Variants in PPARGC1A observed in about 807,000 individuals in gnomAD.
The protein encoded by PPARGC1A is PPARG coactivator 1 alpha, also known as peroxisome proliferator-activated receptor gamma coactivator 1-alpha.
In PPARGC1A, 25 loss-of-function variants were observed where a neutral mutation model predicts 88.7. The observed-to-expected ratio is 0.28, with a 90% CI of 0.21 to 0.39. PPARGC1A has a LOEUF of 0.39. PPARGC1A is among the 10% of genes least tolerant of loss of function. The probability of loss-of-function intolerance (pLI) is 1.00; values close to 1 mark genes in which losing one functional copy is unlikely to be tolerated. For missense variants in PPARGC1A, 880 were observed against 968.7 expected, an observed-to-expected ratio of 0.91 and a Z score of 1.22; for synonymous variants, 363 against 355.6, an observed-to-expected ratio of 1.02 and a Z score of -0.24.
chr4:24,270,539 T>C, the PPARGC1A span, among the ~76,000 whole-genome samples: 1 of 152,142 alleles, frequency 6.6e-6, no homozygotes, highest in South Asian at 2.1e-4. Context: ...AGGATAAAAA[T>C]TCCCAGAAAG....
the PPARGC1A span, among the ~76,000 whole-genome samples, chr4:24,326,207 C>G: frequency 1.3e-3 from 205 of 152,238 alleles, 8 homozygotes; most frequent in East Asian, 0.034. Flanking sequence ...ATATCCCATC[C>G]CACAGCATGC....
At chr4:24,328,518 C>T in the PPARGC1A span, among the ~76,000 whole-genome samples, 6 of 152,284 alleles carry the variant, frequency 3.9e-5, no homozygotes, top group South Asian at 1.2e-3. Flanking sequence ...ATTTTTCCAG[C>T]TCAAACTGCT....
chr4:23,866,236 C>T (rs201258909), intron 2 of PPARGC1A: 11 of 151,778 alleles, frequency 7.2e-5, no homozygotes, highest in African/African-American at 1.9e-4. Context: ...GTACAGCTCG[C>T]CTTTCTTTAC....
In PPARGC1A at chr4:23,801,742, A is replaced by G. The variant is rs1308083387; in HGVS notation, c.2281T>C (p.Tyr761His). Residue 761 changes from tyrosine (Y) to histidine (H), a missense_variant, in exon 12 of 13, where the codon TAT becomes CAT. Transcript: ENST00000264867. ...ATAAAATCCATACCTAGGTCTGCAT[A>G]GTTAGACTTGAAAAATTGCTTGCGT... ...CGRKQFFKSN[Y>H]ADLDSNSDDF... 4 of 1,613,976 alleles carry G rather than the reference A, an allele frequency of 2.5e-6. No homozygotes were observed. In the African/African-American group the frequency reaches 4.0e-5, roughly 16 times the overall value.
intron 1 of PPARGC1A, chr4:23,889,038 T>TC: frequency 5.1e-6 from 5 of 985,208 alleles, no homozygotes; most frequent in African/African-American, 1.7e-5. Context: ...AGGTCCTCCG[T>TC]CCCCCCACTA....
chr4:24,368,319 G>A, the PPARGC1A span, among the ~76,000 whole-genome samples: 18 of 152,226 alleles, frequency 1.2e-4, no homozygotes, highest in Admixed American at 3.3e-4. Context: ...GGTAGCAATC[G>A]TGAAATATAG....
At chr4:23,985,572 G>C in the PPARGC1A span, among the ~76,000 whole-genome samples, 1 of 150,830 alleles carries the variant, frequency 6.6e-6, no homozygotes, top group Non-Finnish European at 1.5e-5. Flanking sequence ...GTAGTAAGCA[G>C]AGATAAAGGC....
the PPARGC1A span, among the ~76,000 whole-genome samples, chr4:24,175,000 T>C: frequency 6.6e-6 from 1 of 152,084 alleles, no homozygotes; most frequent in Non-Finnish European, 1.5e-5. Context: ...AATACAAATG[T>C]CTCCCAGGAA....
the PPARGC1A span, among the ~76,000 whole-genome samples, chr4:24,436,710 G>T: frequency 1.6e-5 from 2 of 124,606 alleles, no homozygotes; most frequent in African/African-American, 3.2e-5. Flanking sequence ...CCGGGTCACA[G>T]AGCTGACATC....
At chr4:24,310,586 C>T in the PPARGC1A span, among the ~76,000 whole-genome samples, 1 of 152,040 alleles carries the variant, frequency 6.6e-6, no homozygotes, top group East Asian at 1.9e-4. Flanking sequence ...AAGCCCATCA[C>T]CTAAGGATAA....
the PPARGC1A span, among the ~76,000 whole-genome samples, chr4:24,042,890 G>T: frequency 1.3e-5 from 2 of 152,168 alleles, no homozygotes; most frequent in Admixed American, 6.6e-5. Flanking sequence ...AGTATTAGTA[G>T]TGAAGCATCT....
the PPARGC1A span, among the ~76,000 whole-genome samples, chr4:24,046,848 C>T: frequency 3.7e-3 from 567 of 152,284 alleles, 9 homozygotes; most frequent in East Asian, 0.018. Flanking sequence ...ATATCTGCCA[C>T]TTGATGCAAA....
chr4:24,277,790 G>A, the PPARGC1A span, among the ~76,000 whole-genome samples: 2 of 152,246 alleles, frequency 1.3e-5, no homozygotes, highest in South Asian at 2.1e-4. Flanking sequence ...GTCAGGACAG[G>A]AGAGCAAATG....
At chr4:24,147,075 AG>A in the PPARGC1A span, among the ~76,000 whole-genome samples, 1 of 152,160 alleles carries the variant, frequency 6.6e-6, no homozygotes, top group Admixed American at 6.5e-5. Context: ...ACTCTGATTC[AG>A]GTGAACAGGT....
chr4:24,035,954 A>G, the PPARGC1A span, among the ~76,000 whole-genome samples: 2 of 152,194 alleles, frequency 1.3e-5, no homozygotes, highest in African/African-American at 4.8e-5. Flanking sequence ...GAGAATAGCT[A>G]CGTGTTTACT....
chr4:24,095,154 G>A, the PPARGC1A span, among the ~76,000 whole-genome samples: 1 of 127,246 alleles, frequency 7.9e-6, no homozygotes, highest in Non-Finnish European at 1.6e-5. Context: ...GTCTCACTCT[G>A]TCACCCAGGC....
the PPARGC1A span, among the ~76,000 whole-genome samples, chr4:24,078,741 G>A: frequency 6.6e-6 from 1 of 152,084 alleles, no homozygotes; most frequent in African/African-American, 2.4e-5. Flanking sequence ...TGCCAAGTCA[G>A]TTACCATTTG....
chr4:24,338,032 T>G, the PPARGC1A span, among the ~76,000 whole-genome samples: 106 of 152,308 alleles, frequency 7.0e-4, no homozygotes, highest in African/African-American at 2.5e-3. Flanking sequence ...ACGGTGACCC[T>G]CAGCACTTCA....
chr4:24,199,064 T>C, the PPARGC1A span, among the ~76,000 whole-genome samples: 1 of 152,196 alleles, frequency 6.6e-6, no homozygotes, highest in Admixed American at 6.5e-5. Context: ...TTTTATCCCC[T>C]GGCAGGGTCT....
Sources: gnomAD v4.1 joint callset for allele counts (sites outside exome capture counted in the v4.1 genomes callset) on GRCh38, gnomAD v4.1.1 for gene constraint, MANE v1.5 for transcripts, NCBI Gene and HGNC (gene_info 2026-07-23, HGNC 2026-07-21) for gene names.